Variants in RMC1 observed in about 807,000 individuals in gnomAD.
The protein encoded by RMC1 is regulator of MON1-CCZ1.
Under a neutral mutation model 95.5 loss-of-function variants are expected in RMC1, and 44 were observed. That is an observed-to-expected ratio of 0.46 (90% CI 0.36 to 0.59). The LOEUF is 0.59. Ranked by LOEUF, RMC1 falls within the 20% of genes least tolerant of loss-of-function variation. The pLI, the probability that RMC1 is intolerant of heterozygous loss-of-function variation, is 0.00. For missense variants in RMC1, 705 were observed against 819.6 expected (o/e 0.86, Z 1.71); for synonymous variants, 320 against 303.6 (o/e 1.05, Z -0.56).
chr18:23,519,292 C>T, intron 9 of RMC1, 118 bp downstream of exon 9: 1 of 834,718 alleles, frequency 1.2e-6, no homozygotes, highest in South Asian at 1.5e-5. Context: ...CCAAGGCGGA[C>T]AGATTGCTTG....
intron 10 of RMC1, 21 bp from the exon 11 acceptor site, chr18:23,524,109 T>C (rs370329557): frequency 7.4e-6 from 12 of 1,613,888 alleles, no homozygotes. Flanking sequence ...ATCGTTGCAC[T>C]TATGTTTTCT....
chr18:23,520,305 C>G lies in RMC1; in HGVS notation c.953C>G (p.Pro318Arg), dbSNP rs993594786. Residue 318 changes from proline to arginine, a missense_variant, in exon 10 of 20, where the codon CCC becomes CGC. By Grantham distance (103) the Pro-to-Arg change is moderately radical (BLOSUM62 -2). Coordinates refer to ENST00000269221, the MANE Select transcript of RMC1 (RefSeq NM_013326.5). ...CGATCGATCCAGCCCTATCAGATCC[C>G]CATCACAGGTAACACGGGTTCTGTA... is the stretch of plus-strand genomic sequence containing the variant. ...PARSIQPYQI[P>R]ITGPAAVTSQ... is the part of the protein sequence containing the mutation. 1 of 1,612,988 alleles carries G rather than the reference C, an allele frequency of 6.2e-7. No homozygotes were observed. Among genetic ancestry groups the G allele is most frequent in the Admixed American group, 1.7e-5 (1 of 60,008 alleles).
rs190015522 is a variant in RMC1, at chr18:23,516,915, A to G, written c.653+492A>G. ...TAGTCTTTGTATTTTTGGTAGAGAC[A>G]GGGCTTCACCATGTTGGCCAGGCTG... On this transcript the variant is annotated intron_variant, in intron 7 of 19. Coordinates refer to ENST00000269221, the MANE Select transcript of RMC1 (RefSeq NM_013326.5). 3.3e-3 allele frequency among the ~76,000 whole-genome samples: 494 copies of G among 151,972 alleles called. 3 individuals are homozygous for G. Among genetic ancestry groups the G allele is most frequent in the African/African-American group, 0.011 (468 of 41,442 alleles).
intron 12 of RMC1, 71 bp downstream of exon 12, chr18:23,524,553 G>C: frequency 6.6e-7 from 1 of 1,524,262 alleles, no homozygotes; most frequent in South Asian, 1.1e-5. Flanking sequence ...TTGTAGCCAG[G>C]GACGTTTTCA....
chr18:23,530,556 T>C lies in RMC1; in HGVS notation c.1838T>C (p.Phe613Ser). The C allele has an allele frequency of 1.9e-6, 3 of 1,614,180 alleles. No homozygotes were observed. Among genetic ancestry groups the C allele is most frequent in the Non-Finnish European group, 2.5e-6 (3 of 1,180,016 alleles). Residue 613 changes from phenylalanine (F) to serine (S), a missense_variant, in exon 19 of 20, where the codon TTC becomes TCC. Transcript: ENST00000269221. ...TEDNMLFYTI[F>S]RFFEQRNQRL... ...GACAACATGCTTTTCTATACAATAT[T>C]CCGCTTTTTTGAACAGCGAAACCAG... is the stretch of plus-strand genomic sequence containing the variant.
chr18:23,520,311 C>T lies in RMC1; in HGVS notation c.959C>T (p.Thr320Ile), dbSNP rs779871462. ...RSIQPYQIPITGPAAVTSQSP... is the reference protein window; with the variant it reads ...RSIQPYQIPIIGPAAVTSQSP... ...ATCCAGCCCTATCAGATCCCCATCA[C>T]AGGTAACACGGGTTCTGTAGAGGAG... is the stretch of plus-strand genomic sequence containing the variant. The change falls in exon 10 of 20, where the codon ACA (threonine) becomes ATA (isoleucine). Residue 320 changes from threonine (T) to isoleucine (I), a missense_variant and splice_region_variant. Coordinates refer to ENST00000269221, the MANE Select transcript of RMC1 (RefSeq NM_013326.5). 31 of 1,611,340 alleles carry T rather than the reference C, an allele frequency of 1.9e-5. No individual in the cohort carries two copies. Among genetic ancestry groups the T allele is most frequent in the African/African-American group, 2.7e-5 (2 of 74,868 alleles).
At chr18:23,529,932 C>T in intron 16 of RMC1, 96 bp from the exon 17 acceptor site, 1 of 1,215,204 alleles carries the variant, frequency 8.2e-7, no homozygotes, top group Non-Finnish European at 1.2e-6. Flanking sequence ...CAGACTTTTA[C>T]TGTGTTGGTT....
intron 16 of RMC1, 156 bp downstream of exon 16, chr18:23,529,868 T>G: frequency 9.7e-7 from 1 of 1,034,658 alleles, no homozygotes; most frequent in South Asian, 1.5e-5. Context: ...GAATGGGAAG[T>G]GTAAGGTCAA....
In RMC1 at chr18:23,526,657, G is replaced by A. The variant is rs906906901; in HGVS notation, c.1081G>A (p.Val361Met). Residue 361 changes from valine to methionine, a missense_variant, in exon 13 of 20, where the codon GTG becomes ATG. By Grantham distance (21) the Val-to-Met change is conservative. Coordinates refer to ENST00000269221, the MANE Select transcript of RMC1 (RefSeq NM_013326.5). The stretch of plus-strand genomic sequence containing the variant: ...TCCAGGTTACCTCTGGAACCTCCAA[G>A]TGAAACTTGAGCCCATAGTAAATCT... ...ASQGYLWNLQ[V>M]KLEPIVNLLP... The A allele has an allele frequency of 8.1e-6, 13 of 1,614,126 alleles. No individual in the cohort carries two copies. The highest frequency in any genetic ancestry group is 1.1e-5 in the South Asian group (1 of 91,074).
intron 14 of RMC1, 107 bp from the exon 15 acceptor site, chr18:23,529,072 T>C (rs1184737967): frequency 6.7e-6 from 10 of 1,495,662 alleles, no homozygotes; most frequent in Non-Finnish European, 8.9e-6. Context: ...TGTTTTCCGC[T>C]CATATCCTGG....
intron 14 of RMC1, 142 bp from the exon 15 acceptor site, chr18:23,529,037 A>T (rs1407633276): frequency 1.5e-6 from 2 of 1,373,742 alleles, no homozygotes; most frequent in Non-Finnish European, 1.9e-6. Flanking sequence ...GCGCACAGGA[A>T]AAAGTTGTAT....
rs112508588 is a variant in RMC1, at chr18:23,519,289, G to T, written c.849+115G>T. The T allele has an allele frequency of 7.4e-3, 6,369 of 855,436 alleles. 245 individuals carry two copies. In the African/African-American group the frequency reaches 0.096, roughly 13 times the overall value. 53.0% of individuals were successfully genotyped at this position (855,436 alleles called of 1,614,324 possible). On this transcript the variant is annotated intron_variant, in intron 9 of 19. Coordinates refer to ENST00000269221, the MANE Select transcript of RMC1 (RefSeq NM_013326.5). Reference sequence around the variant, plus strand: ...TCCCAGCACTTTGGGAGGCCAAGGCGGACAGATTGCTTGAGCCCAGGAGTT... The same window carrying T: ...TCCCAGCACTTTGGGAGGCCAAGGCTGACAGATTGCTTGAGCCCAGGAGTT...
At chr18:23,517,460 A>G (rs1297078011) in intron 7 of RMC1, among the ~76,000 whole-genome samples, 1 of 152,056 alleles carries the variant, frequency 6.6e-6, no homozygotes, top group Admixed American at 6.6e-5. Flanking sequence ...ACGGAGGTAT[A>G]TTTTCATTTG....
intron 13 of RMC1, 36 bp downstream of exon 13, chr18:23,526,801 T>C: frequency 6.2e-7 from 1 of 1,608,414 alleles, no homozygotes; most frequent in Non-Finnish European, 8.5e-7. Flanking sequence ...CTGATTCCAG[T>C]GTGAGGCCTG....
At chr18:23,531,391 T>A (rs1301243902) in intron 19 of RMC1, 2 of 720,800 alleles carry the variant, frequency 2.8e-6, no homozygotes, top group East Asian at 6.6e-5. Context: ...GGTCTATTTC[T>A]AGCTCAATGT....
At chr18:23,517,580 A>C (rs2058042427) in intron 7 of RMC1, among the ~76,000 whole-genome samples, 1 of 152,216 alleles carries the variant, frequency 6.6e-6, no homozygotes, top group Admixed American at 6.5e-5. Flanking sequence ...CAATAGTCAA[A>C]ATTTTGCTTC....
intron 7 of RMC1, among the ~76,000 whole-genome samples, chr18:23,517,592 A>G (rs985950163): frequency 6.6e-6 from 1 of 152,170 alleles, no homozygotes; most frequent in Non-Finnish European, 1.5e-5. Flanking sequence ...TTTTGCTTCT[A>G]AGTTACTTCT....
chr18:23,521,612 C>T (rs2058142345), intron 10 of RMC1, among the ~76,000 whole-genome samples: 1 of 151,850 alleles, frequency 6.6e-6, no homozygotes, highest in Non-Finnish European at 1.5e-5. Flanking sequence ...GGAAAGAAGT[C>T]ATTTATTTGC....
rs760692094 is a variant in RMC1, at chr18:23,503,725, G to C, written c.102+5G>C. The C allele has an allele frequency of 1.9e-5, 30 of 1,583,750 alleles. No individual in the cohort carries two copies. Among genetic ancestry groups the C allele is most frequent in the Non-Finnish European group, 1.7e-6 (2 of 1,166,416 alleles). ...TTCGATGAGGCCAACAAGCAGGTCC[G>C]GCGCGCCCGCGCTTCCTCCCCCGCG... On this transcript the variant is annotated splice_donor_5th_base_variant and intron_variant, in intron 1 of 19. Coordinates refer to ENST00000269221, the MANE Select transcript of RMC1 (RefSeq NM_013326.5).
Sources: allele counts gnomAD v4.1 joint callset (sites outside exome capture counted in the v4.1 genomes callset), GRCh38; gene constraint gnomAD v4.1.1; transcripts MANE v1.5; gene names NCBI Gene and HGNC (gene_info 2026-07-23, HGNC 2026-07-21).